CAMKMT: variants seen among roughly 807,000 people sequenced by gnomAD.
The protein encoded by CAMKMT is CaM KMT.
In CAMKMT, 53 loss-of-function variants were observed where a neutral mutation model predicts 48.0. That is an observed-to-expected ratio of 1.10 (90% CI 0.89 to 1.39). The LOEUF (loss-of-function observed/expected upper bound fraction) is 1.39. Among genes scored for constraint, CAMKMT ranks in the 40% most tolerant of loss-of-function variants. The probability of loss-of-function intolerance (pLI) is 0.00; values close to 1 mark genes in which losing one functional copy is unlikely to be tolerated. For synonymous variants in CAMKMT, 165 were observed against 152.3 expected (o/e 1.08, Z -0.61); for missense variants, 428 against 402.7 (o/e 1.06, Z -0.54).
intron 3 of CAMKMT, among the ~76,000 whole-genome samples, chr2:44,579,017 C>G (rs934034392): frequency 6.6e-6 from 1 of 152,172 alleles, no homozygotes; most frequent in Non-Finnish European, 1.5e-5. Flanking sequence ...CCATTTGTGA[C>G]TGAAGTTTGC....
chr2:44,629,785 A>G (rs993831691), intron 3 of CAMKMT, among the ~76,000 whole-genome samples: 2 of 152,222 alleles, frequency 1.3e-5, no homozygotes, highest in Non-Finnish European at 2.9e-5. Flanking sequence ...GCTCACGGGT[A>G]GGAAGAATCA....
intron 3 of CAMKMT, among the ~76,000 whole-genome samples, chr2:44,486,115 C>A (rs1221129531): frequency 6.6e-6 from 1 of 152,142 alleles, no homozygotes; most frequent in East Asian, 1.9e-4. Flanking sequence ...CAGGCCCGTG[C>A]CACCACGCCT....
intron 3 of CAMKMT, among the ~76,000 whole-genome samples, chr2:44,523,202 T>G (rs1671211311): frequency 6.6e-6 from 1 of 152,074 alleles, no homozygotes; most frequent in African/African-American, 2.4e-5. Flanking sequence ...TCATAGATTC[T>G]GTAGGTCAAG....
intron 3 of CAMKMT, among the ~76,000 whole-genome samples, chr2:44,616,228 T>A (rs1671880437): frequency 6.6e-6 from 1 of 152,180 alleles, no homozygotes; most frequent in African/African-American, 2.4e-5. Context: ...CCAATCTCCA[T>A]ATTCAGCTGA....
chr2:44,710,751 G>C (rs1455807576), intron 6 of CAMKMT, among the ~76,000 whole-genome samples: 1 of 152,144 alleles, frequency 6.6e-6, no homozygotes, highest in Non-Finnish European at 1.5e-5. Flanking sequence ...GGTATACTGA[G>C]TTATTATTGA....
chr2:44,758,268 G>A (rs1164853542), intron 9 of CAMKMT, among the ~76,000 whole-genome samples: 1 of 152,154 alleles, frequency 6.6e-6, no homozygotes, highest in Non-Finnish European at 1.5e-5. Context: ...GATGGAGAGG[G>A]GGAGTTTCCC....
intron 3 of CAMKMT, among the ~76,000 whole-genome samples, chr2:44,611,005 G>C (rs934493107): frequency 1.3e-5 from 2 of 152,134 alleles, no homozygotes; most frequent in Non-Finnish European, 2.9e-5. Context: ...AGATAGAGAA[G>C]GGCTTATCAG....
intron 1 of CAMKMT, among the ~76,000 whole-genome samples, chr2:44,365,160 G>A (rs1678457672): frequency 6.6e-6 from 1 of 152,144 alleles, no homozygotes; most frequent in South Asian, 2.1e-4. Flanking sequence ...AGAGATATGT[G>A]ACTCCTTTTC....
At chr2:44,400,524 A>G (rs1326232634) in intron 3 of CAMKMT, among the ~76,000 whole-genome samples, 1 of 152,144 alleles carries the variant, frequency 6.6e-6, no homozygotes, top group Non-Finnish European at 1.5e-5. Context: ...TAAACTTTGT[A>G]TATTTAGTTA....
At chr2:44,381,614 A>G (rs528045543) in intron 2 of CAMKMT, among the ~76,000 whole-genome samples, 6 of 152,218 alleles carry the variant, frequency 3.9e-5, no homozygotes, top group Non-Finnish European at 7.3e-5. Context: ...TATGGTGCAG[A>G]CATCCATTGA....
At chr2:44,431,673 T>G (rs980584197) in intron 3 of CAMKMT, among the ~76,000 whole-genome samples, 1 of 152,168 alleles carries the variant, frequency 6.6e-6, no homozygotes, top group Non-Finnish European at 1.5e-5. Context: ...ACAATAGGAT[T>G]GTTTTGCAGA....
intron 3 of CAMKMT, among the ~76,000 whole-genome samples, chr2:44,562,278 T>G (rs1668363263): frequency 6.6e-6 from 1 of 152,216 alleles, no homozygotes; most frequent in Admixed American, 6.5e-5. Flanking sequence ...AATTCTATTT[T>G]TCTTGGCACT....
chr2:44,419,899 GC>G (rs1423707478), intron 3 of CAMKMT, among the ~76,000 whole-genome samples: 1 of 151,800 alleles, frequency 6.6e-6, no homozygotes, highest in Non-Finnish European at 1.5e-5. Flanking sequence ...TTCTGTGGTT[GC>G]TAATATCTTT....
intron 3 of CAMKMT, among the ~76,000 whole-genome samples, chr2:44,592,890 G>T (rs1670391524): frequency 6.6e-6 from 1 of 152,150 alleles, no homozygotes; most frequent in African/African-American, 2.4e-5. Context: ...ACTGTATTCA[G>T]CTCTATTGGG....
At chr2:44,539,621 CTTG>C (rs1300979096) in intron 3 of CAMKMT, among the ~76,000 whole-genome samples, 2 of 152,052 alleles carry the variant, frequency 1.3e-5, no homozygotes, top group African/African-American at 4.8e-5. Context: ...CTTTCCTTTG[CTTG>C]TTGTGTCTAT....
At chr2:44,603,290 C>T (rs960975761) in intron 3 of CAMKMT, among the ~76,000 whole-genome samples, 2 of 152,004 alleles carry the variant, frequency 1.3e-5, no homozygotes, top group Non-Finnish European at 2.9e-5. Flanking sequence ...AGGGTTTCAC[C>T]ATGTTGGCCA....
Position 44,651,306 on chromosome 2 carries a change from C to T in CAMKMT, c.377-52977C>T, listed in dbSNP as rs150872116. Among the ~76,000 whole-genome samples, 176 of 152,316 alleles carry T rather than the reference C, an allele frequency of 1.2e-3. 1 individual carries two copies. The highest frequency in any genetic ancestry group is 4.0e-3 in the African/African-American group (165 of 41,586). ...GAAAGTAGAATAGTCAACTGACTTA[C>T]GCATCCTTTTTTTGGAATATGCAGA... is the stretch of plus-strand genomic sequence containing the variant. On this transcript the variant is annotated intron_variant, in intron 3 of 10. Coordinates refer to ENST00000378494, the MANE Select transcript of CAMKMT (RefSeq NM_024766.5).
intron 3 of CAMKMT, among the ~76,000 whole-genome samples, chr2:44,594,331 C>G (rs1670515177): frequency 6.6e-6 from 1 of 151,996 alleles, no homozygotes; most frequent in African/African-American, 2.4e-5. Flanking sequence ...CATATGGAAC[C>G]AAAAAAGAGC....
chr2:44,545,438 G>A (rs1255081286), intron 3 of CAMKMT, among the ~76,000 whole-genome samples: 1 of 152,200 alleles, frequency 6.6e-6, no homozygotes, highest in Non-Finnish European at 1.5e-5. Context: ...ATCAAAATGA[G>A]TCATAATACA....
Sources: allele counts gnomAD v4.1 joint callset (sites outside exome capture counted in the v4.1 genomes callset), GRCh38; gene constraint gnomAD v4.1.1; transcripts MANE v1.5; gene names NCBI Gene and HGNC (gene_info 2026-07-23, HGNC 2026-07-21).